ZBTB47: variants seen among roughly 807,000 people sequenced by gnomAD.
ZBTB47 encodes zinc finger and BTB domain containing 47, also known as zinc finger and BTB domain-containing protein 47.
Under a neutral mutation model 56.6 loss-of-function variants are expected in ZBTB47, and 24 were observed. That is an observed-to-expected ratio of 0.42 (90% CI 0.31 to 0.60). The LOEUF (loss-of-function observed/expected upper bound fraction) is 0.60, where lower values mean the gene tolerates loss of function less well. Among genes scored for constraint, ZBTB47 ranks in the 20% least tolerant of loss-of-function variants. The pLI is 0.14. For missense variants in ZBTB47, 829 were observed against 1,032.6 expected (o/e 0.80, Z 2.70); for synonymous variants, 414 against 418.9 (o/e 0.99, Z 0.14).
rs1257175130 is a variant in ZBTB47, at chr3:42,666,705, C to T, written c.*2107C>T. On this transcript the variant is annotated 3_prime_UTR_variant, in exon 6 of 6. Coordinates refer to ENST00000232974, the MANE Select transcript of ZBTB47 (RefSeq NM_145166.4). ...TGGCCGTGGCCAGGCTGAGACCTGT[C>T]AGGCCATACTGACAAGCAGAGGTCA... Among the ~76,000 whole-genome samples the T allele has an allele frequency of 6.6e-6, 1 of 152,222 alleles. No homozygotes were observed. Among genetic ancestry groups the T allele is most frequent in the Non-Finnish European group, 1.5e-5 (1 of 68,050 alleles).
In ZBTB47 at chr3:42,663,238, A is replaced by T. The variant is rs1045142870; in HGVS notation, c.1737+111A>T. Reference sequence around the variant, plus strand: ...GGCTAGGGGGTGGAATGTAGTGTCCAGAAAGAGAGAGCCCTGCCCTCTGAG... The same window carrying T: ...GGCTAGGGGGTGGAATGTAGTGTCCTGAAAGAGAGAGCCCTGCCCTCTGAG... On this transcript the variant is annotated intron_variant, in intron 4 of 5. Transcript: ENST00000232974. This position sits in a 1 kb window ranked among gnomAD's most constrained non-coding sequence, Gnocchi z 5.1. 1.3e-6 allele frequency: 1 copy of T among 776,948 alleles called. No individual in the cohort carries two copies. The allele number at this position is 776,948 out of a possible 1,614,324, so 48.1% of individuals were successfully genotyped here.
chr3:42,661,922 C>A (rs139490542), intron 3 of ZBTB47, among the ~76,000 whole-genome samples: 1 of 152,392 alleles, frequency 6.6e-6, no homozygotes, highest in African/African-American at 2.4e-5. Flanking sequence ...GCTGTGCATC[C>A]TGGCACGGGC....
rs1362148108 is a variant in ZBTB47 at position 42,656,739 on chromosome 3, G to T, written c.-81-1536G>T. ...AGGGAGGCTCCTGCTGAGGCCCACGGTAGGTTTCTCATTCAGGTGACTGAG... is the reference window on the plus strand; with the variant it reads ...AGGGAGGCTCCTGCTGAGGCCCACGTTAGGTTTCTCATTCAGGTGACTGAG... On this transcript the variant is annotated intron_variant, in intron 1 of 5. Transcript: ENST00000232974. This position sits in a 1 kb window ranked among gnomAD's most constrained non-coding sequence, Gnocchi z 5.8. Among the ~76,000 whole-genome samples, 1 of 152,096 alleles carries T rather than the reference G, an allele frequency of 6.6e-6. No individual in the cohort carries two copies. Among genetic ancestry groups the T allele is most frequent in the East Asian group, 1.9e-4 (1 of 5,170 alleles).
In ZBTB47 at chr3:42,666,241, T is replaced by C. The variant is rs899873245; in HGVS notation, c.*1643T>C. Among the ~76,000 whole-genome samples, 39 of 152,334 alleles carry C rather than the reference T, an allele frequency of 2.6e-4. No homozygotes were observed. In the Middle Eastern group the frequency reaches 0.01, roughly 40 times the overall value. On this transcript the variant is annotated 3_prime_UTR_variant, in exon 6 of 6. Coordinates refer to ENST00000232974, the MANE Select transcript of ZBTB47 (RefSeq NM_145166.4). ...CTGGTTGTTCTCTGGGCTTGGAGGG[T>C]ACAGTGCCAGCAGCTTCCTTGCCCA...
In ZBTB47 at chr3:42,663,664, T is replaced by C. The variant is rs1326632920; in HGVS notation, c.1738-133T>C. On this transcript the variant is annotated intron_variant, in intron 4 of 5. Transcript: ENST00000232974. The surrounding 1 kb of genome is among the most constrained non-coding windows in gnomAD (Gnocchi z 5.1). Reference sequence around the variant, plus strand: ...CCAGATGCACCTCGGCTTGCCCTCATGTCCCCATCTCCTTGCCCAGGAGCC... The same window carrying C: ...CCAGATGCACCTCGGCTTGCCCTCACGTCCCCATCTCCTTGCCCAGGAGCC... 8.5e-7 allele frequency: 1 copy of C among 1,183,068 alleles called. No homozygotes were observed. The highest frequency in any genetic ancestry group is 1.2e-6 in the Non-Finnish European group (1 of 848,622). 73.3% of individuals were successfully genotyped at this position (1,183,068 alleles called of 1,614,324 possible).
Position 42,659,799 on chromosome 3 carries a change from A to G in ZBTB47, c.1444A>G (p.Arg482Gly), listed in dbSNP as rs1204905079. ...GCTGGAGAGCGAGCTGCTGCTGCAC[A>G]GGCAGACAGACTGCGAGCGCAACAT... ...FLLESELLLH[R>G]QTDCERNIQC... The change falls in exon 2 of 6, where the codon AGG becomes GGG. Residue 482 changes from arginine (R) to glycine (G), a missense_variant. Physicochemically the swap from Arg to Gly is moderately radical, Grantham distance 125. This residue lies in a region of ZBTB47 where 187 missense variants were observed against 253.1 expected (regional missense o/e 0.74). Transcript: ENST00000232974. 6 of 1,611,326 alleles carry G rather than the reference A, an allele frequency of 3.7e-6. No individual in the cohort carries two copies. The Admixed American group carries it at 8.3e-5, about 22-fold the overall frequency.
In ZBTB47 at chr3:42,664,478, C is replaced by T. The variant is rs769598651; in HGVS notation, c.2124C>T (p.His708=). 149 of 1,509,348 alleles carry T rather than the reference C, an allele frequency of 9.9e-5. 2 individuals carry two copies. The highest frequency in any genetic ancestry group is 5.0e-5 in the South Asian group (4 of 79,780). 93.5% of individuals were successfully genotyped at this position (1,509,348 alleles called of 1,614,324 possible). ...PGLPPTQPQA[H]ALPLLPGLPQ... ...TGCCCCCAACCCAGCCCCAGGCGCA[C>T]GCACTGCCCCTGCTCCCGGGGCTGC... The change falls in exon 6 of 6, where the codon CAC becomes CAT. Residue 708 remains histidine, a synonymous_variant. Coordinates refer to ENST00000232974, the MANE Select transcript of ZBTB47 (RefSeq NM_145166.4).
At chr3:42,660,609 A>G (rs1710701622) in intron 2 of ZBTB47, among the ~76,000 whole-genome samples, 1 of 152,166 alleles carries the variant, frequency 6.6e-6, no homozygotes, top group South Asian at 2.1e-4. Flanking sequence ...GCCCAGGAGA[A>G]GGGGGAAAGG....
rs561855202 is a variant in ZBTB47 at position 42,664,810 on chromosome 3, G to C, written c.*212G>C. On this transcript the variant is annotated 3_prime_UTR_variant, in exon 6 of 6. Transcript: ENST00000232974. ...GGTGGAGGGCATCTCACTCCCAAGT[G>C]CCCCCCCTTTCTGTGACTCCTTGAA... The C allele has an allele frequency of 2.3e-6, 1 of 439,438 alleles. No homozygotes were observed. Among genetic ancestry groups the C allele is most frequent in the East Asian group, 3.6e-5 (1 of 27,418 alleles). 27.2% of individuals were successfully genotyped at this position (439,438 alleles called of 1,614,324 possible).
In ZBTB47 at chr3:42,659,406, G is replaced by A; in HGVS notation, c.1051G>A (p.Glu351Lys). ...AGAGAGCTCTGAGGAGGAGGAGGGG[G>A]AGGAGGGGGAGGCTGGGGGCAAGCA... ...DQESSEEEEG[E>K]EGEAGGKQGP... Residue 351 changes from glutamate (E) to lysine (K), a missense_variant, in exon 2 of 6, where the codon GAG becomes AAG. By Grantham distance (56) the Glu-to-Lys change is moderately conservative (BLOSUM62 1). Around this residue, in one of 6 missense-constraint regions of ZBTB47, gnomAD observed 359 missense variants for 359.8 expected, o/e 1.00. Coordinates refer to ENST00000232974, the MANE Select transcript of ZBTB47 (RefSeq NM_145166.4). The A allele has an allele frequency of 7.9e-6, 11 of 1,397,770 alleles. No individual in the cohort carries two copies. Among genetic ancestry groups the A allele is most frequent in the Non-Finnish European group, 1.0e-5 (11 of 1,069,878 alleles). The allele number at this position is 1,397,770 out of a possible 1,614,324, so 86.6% of individuals were successfully genotyped here.
rs938983172 is a variant in ZBTB47 at position 42,663,273 on chromosome 3, C to A, written c.1737+146C>A. 11 of 631,368 alleles carry A rather than the reference C, an allele frequency of 1.7e-5. No individual in the cohort carries two copies. Among genetic ancestry groups the A allele is most frequent in the Non-Finnish European group, 2.8e-5 (10 of 356,290 alleles). 39.1% of individuals were successfully genotyped at this position (631,368 alleles called of 1,614,324 possible). A position where few individuals can be genotyped will look rare whatever the true frequency, so the allele number is the denominator to read the frequency against. On this transcript the variant is annotated intron_variant, in intron 4 of 5. Transcript: ENST00000232974. The surrounding 1 kb of genome is among the most constrained non-coding windows in gnomAD (Gnocchi z 5.1). ...AGCCCTGCCCTCTGAGGTCTGCAGC[C>A]CCTGCCTCCCACTCCCACCCAGCCC...
Position 42,658,488 on chromosome 3 carries a change from C to G in ZBTB47, c.133C>G (p.Leu45Val). ...CGCCTACAGCCAGTTCTTCCACTCA[C>G]TCTTCACCCAGAACAAGCAGCTGCA... is the stretch of plus-strand genomic sequence containing the variant. ...LAAYSQFFHS[L>V]FTQNKQLQRV... The change falls in exon 2 of 6, where the codon CTC becomes GTC. Residue 45 changes from leucine (L) to valine (V), a missense_variant. Coordinates refer to ENST00000232974, the MANE Select transcript of ZBTB47 (RefSeq NM_145166.4). 1 of 1,537,220 alleles carries G rather than the reference C, an allele frequency of 6.5e-7. No homozygotes were observed. Among genetic ancestry groups the G allele is most frequent in the Non-Finnish European group, 8.7e-7 (1 of 1,146,922 alleles).
chr3:42,663,180 G>A lies in ZBTB47; in HGVS notation c.1737+53G>A. The stretch of plus-strand genomic sequence containing the variant: ...CCCGAGGGGTCACCTGGGAGGGGCA[G>A]GAATCAGGGAGCGCAGCTGCTGAAA... On this transcript the variant is annotated intron_variant, in intron 4 of 5. Coordinates refer to ENST00000232974, the MANE Select transcript of ZBTB47 (RefSeq NM_145166.4). This position sits in a 1 kb window ranked among gnomAD's most constrained non-coding sequence, Gnocchi z 5.1. 1 of 1,357,364 alleles carries A rather than the reference G, an allele frequency of 7.4e-7. No homozygotes were observed. Among genetic ancestry groups the A allele is most frequent in the Non-Finnish European group, 1.1e-6 (1 of 947,168 alleles). 84.1% of individuals were successfully genotyped at this position (1,357,364 alleles called of 1,614,324 possible). A position where few individuals can be genotyped will look rare whatever the true frequency, so the allele number is the denominator to read the frequency against.
intron 1 of ZBTB47, among the ~76,000 whole-genome samples, chr3:42,655,330 G>A (rs528745523): frequency 1.4e-4 from 21 of 152,300 alleles, no homozygotes; most frequent in African/African-American, 2.9e-4. Flanking sequence ...GGAGGGGGGC[G>A]CAGATGGACT....
In ZBTB47 at chr3:42,654,796, TCTTCCC is replaced by T; in HGVS notation, c.-82+915_-82+920del. 1.4e-6 allele frequency: 1 copy of T among 695,504 alleles called. No individual in the cohort carries two copies. Among genetic ancestry groups the T allele is most frequent in the Non-Finnish European group, 1.8e-6 (1 of 565,070 alleles). The allele number at this position is 695,504 out of a possible 1,614,324, so 43.1% of individuals were successfully genotyped here. A position where few individuals can be genotyped will look rare whatever the true frequency, so the allele number is the denominator to read the frequency against. On this transcript the variant is annotated intron_variant, in intron 1 of 5. Coordinates refer to ENST00000232974, the MANE Select transcript of ZBTB47 (RefSeq NM_145166.4). The surrounding 1 kb of genome is among the most constrained non-coding windows in gnomAD (Gnocchi z 5.0). ...GGCCCGGGTGGAGGGGCTGGAGGGA[TCTTCCC>T]CCCTCCCCCGGTCTCCCGGCTCCAT...
In ZBTB47 at chr3:42,659,870, G is replaced by A. The variant is rs542300003; in HGVS notation, c.1473+42G>A. 4.1e-5 allele frequency: 63 copies of A among 1,549,760 alleles called. No individual in the cohort carries two copies. In the East Asian group the frequency reaches 1.3e-3, roughly 31 times the overall value. On this transcript the variant is annotated intron_variant, in intron 2 of 5. Transcript: ENST00000232974. ...TGGGGGCAGGGCAGAGGCTGTCCAGGTGGGGCTAGGCCATAACTGGGCTCT... is the reference window on the plus strand; with the variant it reads ...TGGGGGCAGGGCAGAGGCTGTCCAGATGGGGCTAGGCCATAACTGGGCTCT...
At chr3:42,655,441 C>T (rs1289704579) in intron 1 of ZBTB47, among the ~76,000 whole-genome samples, 1 of 152,190 alleles carries the variant, frequency 6.6e-6, no homozygotes, top group Non-Finnish European at 1.5e-5. Context: ...GTGTAGAAGG[C>T]TCTGACTTGG....
At position 42,664,573 on chromosome 3, in the gene ZBTB47, G is replaced by A; in HGVS notation, c.2219G>A (p.Gly740Asp). Residue 740 changes from glycine to aspartate, a missense_variant, in exon 6 of 6, where the codon GGC (glycine) becomes GAC (aspartate). Physicochemically the swap from Gly to Asp is moderately conservative, Grantham distance 94 (BLOSUM62 -1). Transcript: ENST00000232974. ...PPLFPTTASP[G>D]GRMNANN The stretch of plus-strand genomic sequence containing the variant: ...CTCTTCCCCACCACTGCCAGCCCCG[G>A]CGGGAGGATGAACGCCAACAACTAG... 7.5e-7 allele frequency: 1 copy of A among 1,324,988 alleles called. No individual in the cohort carries two copies. Among genetic ancestry groups the A allele is most frequent in the South Asian group, 1.6e-5 (1 of 63,146 alleles). 82.1% of individuals were successfully genotyped at this position (1,324,988 alleles called of 1,614,324 possible). A position where few individuals can be genotyped will look rare whatever the true frequency, so the allele number is the denominator to read the frequency against.
In ZBTB47 at chr3:42,664,842, A is replaced by ACT. The variant is rs1342651736; in HGVS notation, c.*245_*246dup. ...CTTTCTGTGACTCCTTGAAGCCTTT[A>ACT]CTTTTTTTTTTTTTTGGAAGTGAAG... is the stretch of plus-strand genomic sequence containing the variant. On this transcript the variant is annotated 3_prime_UTR_variant, in exon 6 of 6. Coordinates refer to ENST00000232974, the MANE Select transcript of ZBTB47 (RefSeq NM_145166.4). 1.6e-5 allele frequency: 5 copies of ACT among 303,716 alleles called. No individual in the cohort carries two copies. In the African/African-American group the frequency reaches 2.0e-4, roughly 12 times the overall value. 18.8% of individuals were successfully genotyped at this position (303,716 alleles called of 1,614,324 possible). A position where few individuals can be genotyped will look rare whatever the true frequency, so the allele number is the denominator to read the frequency against.
Sources: gnomAD v4.1 joint callset for allele counts (sites outside exome capture counted in the v4.1 genomes callset) on GRCh38, gnomAD v4.1.1 for gene constraint, gnomAD v4.1.1 regional missense constraint, Gnocchi (gnomAD v3.1) non-coding constraint, MANE v1.5 for transcripts, NCBI Gene and HGNC (gene_info 2026-07-23, HGNC 2026-07-21) for gene names.